The following ADGRL3 variants were observed in gnomAD, a reference collection of about 807,000 sequenced individuals.
ADGRL3 encodes calcium-independent alpha-latrotoxin receptor 3.
ADGRL3 carries 62 observed loss-of-function variants against 153.5 expected under a neutral mutation model. That is an observed-to-expected ratio of 0.40 (90% CI 0.33 to 0.50). ADGRL3 has a LOEUF of 0.50. Ranked by LOEUF, ADGRL3 falls within the 20% of genes least tolerant of loss-of-function variation. ADGRL3 has a pLI of 0.47. For synonymous variants in ADGRL3, 710 were observed against 672.5 expected (o/e 1.06, Z -0.86); for missense variants, 1,641 against 1,859.4 (o/e 0.88, Z 2.16).
intron 9 of ADGRL3, among the ~76,000 whole-genome samples, chr4:61,840,769 G>T (rs906321600): frequency 6.6e-5 from 10 of 152,134 alleles, no homozygotes; most frequent in Non-Finnish European, 1.5e-4. Context: ...ACCTGAACTG[G>T]GAAGAGAAAA....
chr4:61,747,580 C>G (rs1193621340), intron 8 of ADGRL3, among the ~76,000 whole-genome samples: 5 of 145,394 alleles, frequency 3.4e-5, no homozygotes, highest in Admixed American at 7.0e-5. Context: ...TGTAATCCAG[C>G]ATATAAACAG....
intron 9 of ADGRL3, among the ~76,000 whole-genome samples, chr4:61,877,329 C>T (rs2098481736): frequency 6.6e-6 from 1 of 152,052 alleles, no homozygotes; most frequent in Non-Finnish European, 1.5e-5. Flanking sequence ...ATATAACATC[C>T]CTGAAACAGT....
At chr4:61,813,326 G>A (rs571873403) in intron 8 of ADGRL3, among the ~76,000 whole-genome samples, 4 of 152,156 alleles carry the variant, frequency 2.6e-5, no homozygotes, top group East Asian at 1.9e-4. Context: ...CCCTGGAGGC[G>A]GAGGTTGCAG....
intron 11 of ADGRL3, among the ~76,000 whole-genome samples, chr4:61,904,177 TA>T (rs5858740): frequency 1.2e-3 from 161 of 136,104 alleles, no homozygotes; most frequent in African/African-American, 1.4e-3. Flanking sequence ...TATTGTTCAT[TA>T]AAAAAAAAAA....
At chr4:62,035,085 G>A (rs1198419073) in intron 23 of ADGRL3, among the ~76,000 whole-genome samples, 1 of 151,858 alleles carries the variant, frequency 6.6e-6, no homozygotes, top group Non-Finnish European at 1.5e-5. Context: ...TCTAAAAAAT[G>A]TTTCCTGGAC....
At chr4:61,870,065 A>ATTCCTATT (rs766628618) in intron 9 of ADGRL3, among the ~76,000 whole-genome samples, 57 of 151,410 alleles carry the variant, frequency 3.8e-4, no homozygotes, top group Non-Finnish European at 7.7e-4. Flanking sequence ...AAAAAACGTA[A>ATTCCTATT]TTCCTATTGT....
intron 4 of ADGRL3, among the ~76,000 whole-genome samples, chr4:61,552,489 G>A (rs936006680): frequency 1.3e-5 from 2 of 151,886 alleles, no homozygotes; most frequent in African/African-American, 4.8e-5. Flanking sequence ...TTTGTGACAG[G>A]ATTTCGCTCT....
chr4:61,230,954 C>T (rs1027703747), intron 1 of ADGRL3, among the ~76,000 whole-genome samples: 6 of 152,120 alleles, frequency 3.9e-5, no homozygotes, highest in Non-Finnish European at 8.8e-5. Context: ...GTTTTTGTCC[C>T]GTGCAAGCAT....
At chr4:61,290,667 G>GAAGGAAGGAAGGAAGA (rs560721578) in intron 1 of ADGRL3, among the ~76,000 whole-genome samples, 2 of 67,472 alleles carry the variant, frequency 3.0e-5, no homozygotes, top group Non-Finnish European at 7.7e-5. Context: ...AGGAAGAAAG[G>GAAGGAAGGAAGGAAGA]AAGGAAGGAA....
intron 1 of ADGRL3, among the ~76,000 whole-genome samples, chr4:61,297,792 A>G (rs2150287424): frequency 6.6e-6 from 1 of 151,968 alleles, no homozygotes; most frequent in East Asian, 1.9e-4. Flanking sequence ...ACCTACCACT[A>G]CAACTGTTAC....
chr4:61,938,323 G>C (rs560483928), intron 15 of ADGRL3, among the ~76,000 whole-genome samples: 1 of 152,092 alleles, frequency 6.6e-6, no homozygotes, highest in Non-Finnish European at 1.5e-5. Flanking sequence ...TAGAGGGAAA[G>C]AACAAAATTA....
intron 8 of ADGRL3, among the ~76,000 whole-genome samples, chr4:61,760,957 G>C (rs922942059): frequency 1.3e-5 from 2 of 152,334 alleles, no homozygotes; most frequent in African/African-American, 4.8e-5. Flanking sequence ...TTGGTGGGGG[G>C]AAGCCAGTGA....
chr4:61,887,780 C>T (rs1032651453), intron 9 of ADGRL3, among the ~76,000 whole-genome samples: 12 of 152,060 alleles, frequency 7.9e-5, no homozygotes, highest in Admixed American at 5.2e-4. Flanking sequence ...AGGAGGTGGA[C>T]GTTGCAGTGA....
rs746270309 is a variant in ADGRL3, at chr4:61,750,810, A to AAAAAAAAAAAAAG, written c.1399+17258_1399+17259insAAAAAAAAAAGAA. Among the ~76,000 whole-genome samples, 754 of 146,918 alleles carry AAAAAAAAAAAAAG rather than the reference A, an allele frequency of 5.1e-3. 18 individuals are homozygous for AAAAAAAAAAAAAG. Among genetic ancestry groups the AAAAAAAAAAAAAG allele is most frequent in the African/African-American group, 0.018 (663 of 37,526 alleles). Reference sequence around the variant, plus strand: ...GTCTCAAAAAAGAAAAAAAAAAAAAAAAGTCAAAGCAGATAAGCTAAAGGA... The same window carrying AAAAAAAAAAAAAG: ...GTCTCAAAAAAGAAAAAAAAAAAAAAAAAAAAAAAAAAGAAGTCAAAGCAGATAAGCTAAAGGA... On this transcript the variant is annotated intron_variant, in intron 8 of 26. Transcript: ENST00000683033.
At chr4:61,344,258 A>G (rs1032238830) in intron 1 of ADGRL3, among the ~76,000 whole-genome samples, 1 of 152,124 alleles carries the variant, frequency 6.6e-6, no homozygotes, top group East Asian at 1.9e-4. Flanking sequence ...AAAAGTAGAT[A>G]CATTTTTTTT....
chr4:61,845,886 T>C (rs1440179954), intron 9 of ADGRL3, among the ~76,000 whole-genome samples: 2 of 152,218 alleles, frequency 1.3e-5, no homozygotes, highest in East Asian at 3.9e-4. Flanking sequence ...CAATTCCTAC[T>C]AGCAATTGCT....
chr4:61,911,565 A>C (rs2098721898), intron 12 of ADGRL3, among the ~76,000 whole-genome samples: 1 of 152,098 alleles, frequency 6.6e-6, no homozygotes, highest in African/African-American at 2.4e-5. Context: ...CAGATTTGCA[A>C]AGTCAACTCA....
intron 9 of ADGRL3, among the ~76,000 whole-genome samples, chr4:61,823,099 C>T (rs1218127384): frequency 3.3e-5 from 5 of 152,266 alleles, no homozygotes; most frequent in Non-Finnish European, 7.4e-5. Context: ...CTTCACCTCT[C>T]CCCAAATCCC....
chr4:61,343,522 C>T (rs1318646941), intron 1 of ADGRL3, among the ~76,000 whole-genome samples: 2 of 152,104 alleles, frequency 1.3e-5, no homozygotes, highest in Admixed American at 6.6e-5. Flanking sequence ...GGTCCTGTCT[C>T]GTGCTTACTA....
Sources: gnomAD v4.1 joint callset for allele counts (sites outside exome capture counted in the v4.1 genomes callset) on GRCh38, gnomAD v4.1.1 for gene constraint, MANE v1.5 for transcripts, NCBI Gene and HGNC (gene_info 2026-07-23, HGNC 2026-07-21) for gene names.